Variants in DYNC1I1 observed in about 807,000 individuals in gnomAD.
DYNC1I1 encodes the protein cytoplasmic dynein 1 intermediate chain 1.
A neutral mutation model predicts 86.6 loss-of-function variants in DYNC1I1; 43 were observed. That is an observed-to-expected ratio of 0.50 (90% confidence interval 0.39 to 0.64). The LOEUF (loss-of-function observed/expected upper bound fraction) is 0.64. DYNC1I1 is among the 30% of genes least tolerant of loss of function. DYNC1I1 has a pLI of 0.00. For synonymous variants in DYNC1I1, 262 were observed against 283.7 expected (o/e 0.92, Z 0.77); for missense variants, 604 against 788.8 (o/e 0.77, Z 2.81).
At chr7:96,018,097 T>C (rs1794445604) in intron 10 of DYNC1I1, among the ~76,000 whole-genome samples, 1 of 152,178 alleles carries the variant, frequency 6.6e-6, no homozygotes, top group Admixed American at 6.5e-5. Context: ...GAAACCCAAC[T>C]GGAGAGAGGT....
chr7:96,008,636 A>T (rs899867913), intron 10 of DYNC1I1, among the ~76,000 whole-genome samples: 6 of 152,212 alleles, frequency 3.9e-5, no homozygotes, highest in African/African-American at 1.2e-4. Flanking sequence ...AACTGAGATA[A>T]TTTGAATTAT....
intron 6 of DYNC1I1, among the ~76,000 whole-genome samples, chr7:95,920,267 C>T (rs1195926035): frequency 1.3e-5 from 2 of 152,122 alleles, no homozygotes; most frequent in Non-Finnish European, 2.9e-5. Context: ...CCACAAACCC[C>T]GTCTAATCAT....
At chr7:95,786,743 C>T (rs1794157538) in intron 1 of DYNC1I1, among the ~76,000 whole-genome samples, 2 of 152,164 alleles carry the variant, frequency 1.3e-5, no homozygotes, top group South Asian at 4.1e-4. Flanking sequence ...CCATTTCCTT[C>T]CATCAAGGTA....
At chr7:95,944,562 GAC>G (rs1283069968) in intron 6 of DYNC1I1, among the ~76,000 whole-genome samples, 12 of 152,124 alleles carry the variant, frequency 7.9e-5, no homozygotes, top group Non-Finnish European at 1.6e-4. Flanking sequence ...CTGCTATAAA[GAC>G]ACATGCACAT....
At chr7:96,020,049 G>A (rs1298909010) in intron 10 of DYNC1I1, among the ~76,000 whole-genome samples, 5 of 150,116 alleles carry the variant, frequency 3.3e-5, no homozygotes, top group African/African-American at 1.2e-4. Context: ...AAAAAATAAG[G>A]CTTAGATACC....
intron 16 of DYNC1I1, among the ~76,000 whole-genome samples, chr7:96,083,792 T>C (rs909600866): frequency 2.0e-5 from 3 of 152,192 alleles, no homozygotes; most frequent in Admixed American, 2.0e-4. Context: ...ATATTCAAAA[T>C]TGGTTCCCTG....
chr7:95,899,146 G>A (rs895056129), intron 6 of DYNC1I1, among the ~76,000 whole-genome samples: 1 of 152,124 alleles, frequency 6.6e-6, no homozygotes, highest in Non-Finnish European at 1.5e-5. Context: ...ACCTAGGACA[G>A]TGCCTTACAA....
At chr7:95,849,595 G>A (rs1315951705) in intron 5 of DYNC1I1, among the ~76,000 whole-genome samples, 2 of 152,130 alleles carry the variant, frequency 1.3e-5, no homozygotes, top group East Asian at 3.9e-4. Context: ...TTTTATGCCA[G>A]TACCATGCTG....
intron 6 of DYNC1I1, among the ~76,000 whole-genome samples, chr7:95,940,340 G>T (rs1231471130): frequency 1.3e-5 from 2 of 151,894 alleles, no homozygotes; most frequent in Admixed American, 1.3e-4. Context: ...TCTGAATGTT[G>T]GCCTGCCTTG....
intron 6 of DYNC1I1, among the ~76,000 whole-genome samples, chr7:95,921,862 T>C (rs1460542449): frequency 6.6e-6 from 1 of 152,230 alleles, no homozygotes; most frequent in Non-Finnish European, 1.5e-5. Flanking sequence ...TTTAGTCATT[T>C]TGAAAGAACT....
At chr7:95,813,108 C>CTTTA in intron 3 of DYNC1I1, 139 bp from the exon 4 acceptor site, 2 of 614,658 alleles carry the variant, frequency 3.3e-6, no homozygotes, top group South Asian at 3.5e-5. Context: ...TTTTTTTTTT[C>CTTTA]TTTATCCCAT....
intron 11 of DYNC1I1, among the ~76,000 whole-genome samples, chr7:96,030,402 GT>G (rs1174103946): frequency 2.0e-5 from 3 of 149,094 alleles, no homozygotes; most frequent in Admixed American, 6.7e-5. Context: ...GTCTGCTTCT[GT>G]TTTGGTTTCA....
chr7:95,920,153 G>A (rs768523426), intron 6 of DYNC1I1, among the ~76,000 whole-genome samples: 9 of 152,142 alleles, frequency 5.9e-5, no homozygotes, highest in Non-Finnish European at 1.3e-4. Flanking sequence ...TCAGCCAGGC[G>A]ATCAAAGTCA....
intron 7 of DYNC1I1, among the ~76,000 whole-genome samples, chr7:95,978,169 C>G (rs1350691519): frequency 6.6e-6 from 1 of 152,154 alleles, no homozygotes; most frequent in African/African-American, 2.4e-5. Context: ...TTACTCACTC[C>G]TTACAACATC....
intron 7 of DYNC1I1, among the ~76,000 whole-genome samples, chr7:95,980,947 T>C (rs774276460): frequency 1.3e-5 from 2 of 152,176 alleles, no homozygotes; most frequent in African/African-American, 2.4e-5. Context: ...CTGATTTCAC[T>C]GTAAAATTCC....
intron 1 of DYNC1I1, among the ~76,000 whole-genome samples, chr7:95,804,025 C>A (rs374399697): frequency 6.6e-6 from 1 of 152,008 alleles, no homozygotes; most frequent in East Asian, 1.9e-4. Context: ...TCACAAACAC[C>A]CTTTGCTTTG....
intron 6 of DYNC1I1, among the ~76,000 whole-genome samples, chr7:95,894,968 G>A (rs1039935920): frequency 6.6e-6 from 1 of 152,180 alleles, no homozygotes; most frequent in African/African-American, 2.4e-5. Flanking sequence ...GGCCTTTTCT[G>A]TTGACCAATG....
chr7:95,952,060 T>G (rs1188025629), intron 6 of DYNC1I1, among the ~76,000 whole-genome samples: 1 of 152,228 alleles, frequency 6.6e-6, no homozygotes, highest in Non-Finnish European at 1.5e-5. Flanking sequence ...AAGTGCTTGC[T>G]CTGGGCTCTA....
chr7:96,040,999 G>A (rs1363390069), intron 14 of DYNC1I1, among the ~76,000 whole-genome samples: 2 of 152,098 alleles, frequency 1.3e-5, no homozygotes, highest in African/African-American at 2.4e-5. Context: ...TGGGATTACA[G>A]GCATGAGCCA....
Sources: gnomAD v4.1 joint callset for allele counts (sites outside exome capture counted in the v4.1 genomes callset) on GRCh38, gnomAD v4.1.1 for gene constraint, MANE v1.5 for transcripts, NCBI Gene and HGNC (gene_info 2026-07-23, HGNC 2026-07-21) for gene names.